Variants in PMM2 observed in about 807,000 individuals in gnomAD.
PMM2 encodes phosphomannomutase 2, also known as mannose-6-phosphate isomerase.
A neutral mutation model predicts 33.2 loss-of-function variants in PMM2; 35 were observed. That is an observed-to-expected ratio of 1.06 (90% CI 0.81 to 1.40). PMM2 has a LOEUF of 1.40. Ranked by LOEUF, PMM2 falls within the 40% of genes most tolerant of loss-of-function variation. PMM2 has a pLI of 0.00. For missense variants in PMM2, 386 were observed against 306.0 expected, an observed-to-expected ratio of 1.26 and a Z score of -1.95; for synonymous variants, 153 against 114.7, an observed-to-expected ratio of 1.33 and a Z score of -2.13.
intron 7 of PMM2, among the ~76,000 whole-genome samples, chr16:8,838,623 G>C (rs1219131737): frequency 2.0e-5 from 3 of 151,960 alleles, no homozygotes; most frequent in African/African-American, 7.2e-5. Context: ...AACATTTGTT[G>C]TATAGAATGA....
intron 7 of PMM2, chr16:8,832,516 C>T (rs2060816793): frequency 1.6e-5 from 16 of 985,334 alleles, no homozygotes; most frequent in Non-Finnish European, 1.9e-5. Context: ...CTGCATGTGA[C>T]ATCTGCAGGG....
intron 2 of PMM2, among the ~76,000 whole-genome samples, chr16:8,804,334 G>A (rs1306834848): frequency 1.3e-5 from 2 of 151,976 alleles, no homozygotes; most frequent in South Asian, 2.1e-4. Flanking sequence ...GAGCCACACC[G>A]CACCCGACCC....
At chr16:8,803,670 C>CT (rs957592495) in intron 2 of PMM2, among the ~76,000 whole-genome samples, 2 of 151,972 alleles carry the variant, frequency 1.3e-5, no homozygotes, top group African/African-American at 4.8e-5. Flanking sequence ...CACTGAAGAG[C>CT]TTTTTTTAAA....
At chr16:8,812,608 A>C (rs2060683714) in intron 6 of PMM2, among the ~76,000 whole-genome samples, 2 of 152,228 alleles carry the variant, frequency 1.3e-5, no homozygotes, top group Non-Finnish European at 2.9e-5. Flanking sequence ...TGCCGGATGC[A>C]ACCTGCTTCC....
chr16:8,819,809 G>T (rs886893812), intron 7 of PMM2, among the ~76,000 whole-genome samples: 6 of 152,030 alleles, frequency 3.9e-5, no homozygotes, highest in African/African-American at 1.4e-4. Context: ...CACTTATGTT[G>T]TACATGCTCC....
At chr16:8,804,518 A>T (rs779653761) in intron 2 of PMM2, among the ~76,000 whole-genome samples, 2 of 152,186 alleles carry the variant, frequency 1.3e-5, no homozygotes, top group African/African-American at 4.8e-5. Flanking sequence ...AGTCAGGGAC[A>T]TAAGATAACC....
chr16:8,831,200 T>C (rs113534175), intron 7 of PMM2, among the ~76,000 whole-genome samples: 1 of 152,232 alleles, frequency 6.6e-6, no homozygotes, highest in Non-Finnish European at 1.5e-5. Flanking sequence ...GTTCAGCCTG[T>C]GCCCTGGAAT....
intron 7 of PMM2, among the ~76,000 whole-genome samples, chr16:8,828,020 G>T (rs2060787880): frequency 1.5e-5 from 1 of 68,336 alleles, no homozygotes; most frequent in Non-Finnish European, 2.7e-5. Flanking sequence ...TTTAACTGTA[G>T]AACTCTTTTT....
Position 8,810,695 on chromosome 16 carries a change from A to T in PMM2, c.348-384A>T, listed in dbSNP as rs571249236. 6 of 329,006 alleles carry T rather than the reference A, an allele frequency of 1.8e-5. No individual in the cohort carries two copies. The Admixed American group carries it at 1.8e-4, about 10-fold the overall frequency. 20.4% of individuals were successfully genotyped at this position (329,006 alleles called of 1,614,324 possible). ...AGGCTCATGGAATCTTCCTGCCTCAACCTCCTGAGTAGCTGGGATTATAGG... is the reference window on the plus strand; with the variant it reads ...AGGCTCATGGAATCTTCCTGCCTCATCCTCCTGAGTAGCTGGGATTATAGG... On this transcript the variant is annotated intron_variant, in intron 4 of 7. Transcript: ENST00000268261.
intron 7 of PMM2, chr16:8,847,510 A>G: frequency 1.7e-6 from 1 of 574,446 alleles, no homozygotes; most frequent in South Asian, 2.0e-5. Context: ...ACGTGTTCCA[A>G]GCCAAATTGC....
rs149717447 is a variant in PMM2, at chr16:8,831,677, T to C, written c.640-16047T>C. Among the ~76,000 whole-genome samples the C allele has an allele frequency of 1.1e-4, 17 of 152,298 alleles. No homozygotes were observed. In the East Asian group the frequency reaches 3.1e-3, roughly 28 times the overall value. On this transcript the variant is annotated intron_variant, in intron 7 of 7. Coordinates refer to ENST00000268261, the MANE Select transcript of PMM2 (RefSeq NM_000303.3). ...TCACACTGTTCCTCTCTTTGGATGA[T>C]TGGGGTTCACTGCTACACTGCACAG...
At chr16:8,801,698 A>C (rs1054668833) in intron 1 of PMM2, 101 bp from the exon 2 acceptor site, 2 of 751,678 alleles carry the variant, frequency 2.7e-6, no homozygotes, top group Non-Finnish European at 4.3e-6. Flanking sequence ...TTAATTTTTA[A>C]ATAAGAAAAT....
intron 7 of PMM2, among the ~76,000 whole-genome samples, chr16:8,830,307 C>T (rs2060802326): frequency 6.6e-6 from 1 of 152,158 alleles, no homozygotes; most frequent in Admixed American, 6.5e-5. Flanking sequence ...ACAGGTTCTC[C>T]TTGCCCACAG....
At chr16:8,798,026 G>T in intron 1 of PMM2, 78 bp downstream of exon 1, 2 of 1,427,766 alleles carry the variant, frequency 1.4e-6, no homozygotes, top group Non-Finnish European at 9.6e-7. Flanking sequence ...GACCACCCAG[G>T]GTAGGCGCCA....
chr16:8,798,861 C>A lies in PMM2; in HGVS notation c.66+913C>A, dbSNP rs982416312. Among the ~76,000 whole-genome samples the A allele has an allele frequency of 2.6e-5, 4 of 152,184 alleles. No individual in the cohort carries two copies. The South Asian group carries it at 8.3e-4, about 31-fold the overall frequency. On this transcript the variant is annotated intron_variant, in intron 1 of 7. Coordinates refer to ENST00000268261, the MANE Select transcript of PMM2 (RefSeq NM_000303.3). ...CCTCATAGTTTTCGCTTGGTGGTAA[C>A]AATGGTGTGCTCCAGAAGTCCAGGT...
chr16:8,826,091 G>C (rs2060766343), intron 7 of PMM2, among the ~76,000 whole-genome samples: 1 of 152,062 alleles, frequency 6.6e-6, no homozygotes, highest in Admixed American at 6.6e-5. Context: ...CCCAGATTCT[G>C]GCCCTGCATC....
At chr16:8,827,545 G>A (rs75916020) in intron 7 of PMM2, among the ~76,000 whole-genome samples, 20,742 of 148,774 alleles carry the variant, frequency 0.14, 1,584 homozygotes, top group East Asian at 0.24. Flanking sequence ...ACAGGCACAC[G>A]CCACCAGGCC....
intron 1 of PMM2, among the ~76,000 whole-genome samples, chr16:8,801,490 G>A (rs2060616023): frequency 6.6e-6 from 1 of 152,060 alleles, no homozygotes; most frequent in Non-Finnish European, 1.5e-5. Flanking sequence ...GGGCAACATG[G>A]CAAAACTTAG....
intron 7 of PMM2, among the ~76,000 whole-genome samples, chr16:8,846,543 T>G (rs1258325125): frequency 6.6e-6 from 1 of 151,878 alleles, no homozygotes; most frequent in Non-Finnish European, 1.5e-5. Context: ...GTGGGATTGG[T>G]GGGGGTGATG....
Sources: allele counts gnomAD v4.1 joint callset (sites outside exome capture counted in the v4.1 genomes callset), GRCh38; gene constraint gnomAD v4.1.1; transcripts MANE v1.5; gene names NCBI Gene and HGNC (gene_info 2026-07-23, HGNC 2026-07-21).